Variants in WWOX observed in about 807,000 individuals in gnomAD.
WWOX encodes WW domain-containing oxidoreductase.
WWOX carries 69 observed loss-of-function variants against 46.2 expected under a neutral mutation model. The observed-to-expected ratio is 1.49, with a 90% CI of 1.23 to 1.82. The LOEUF (loss-of-function observed/expected upper bound fraction) is 1.82. Ranked by LOEUF, WWOX falls within the 40% of genes most tolerant of loss-of-function variation. The probability of loss-of-function intolerance (pLI) is 0.00; values close to 1 mark genes in which losing one functional copy is unlikely to be tolerated. For synonymous variants in WWOX, 359 were observed against 202.6 expected (o/e 1.77, Z -6.56); for missense variants, 919 against 542.6 (o/e 1.69, Z -6.89).
intron 8 of WWOX, among the ~76,000 whole-genome samples, chr16:78,585,583 G>GGAGCC: frequency 2.0e-5 from 3 of 151,890 alleles, no homozygotes; most frequent in Non-Finnish European, 4.4e-5. Context: ...GCTCCACCAG[G>GGAGCC]ACCTCTTGAC....
chr16:78,236,322 T>G (rs926686240), intron 5 of WWOX, among the ~76,000 whole-genome samples: 3 of 152,232 alleles, frequency 2.0e-5, no homozygotes, highest in African/African-American at 7.2e-5. Flanking sequence ...TTATACATAC[T>G]TACAAAGGAT....
intron 8 of WWOX, among the ~76,000 whole-genome samples, chr16:78,545,602 T>G (rs527565703): frequency 6.6e-6 from 1 of 152,320 alleles, no homozygotes; most frequent in East Asian, 1.9e-4. Flanking sequence ...CCAGGAATAG[T>G]CATGGTTGGC....
chr16:78,237,653 G>C (rs1047617729), intron 5 of WWOX: 1 of 152,112 alleles, frequency 6.6e-6, no homozygotes, highest in African/African-American at 2.4e-5. Context: ...TGGCCTGCAG[G>C]CTCAGAATAG....
chr16:78,278,774 C>T lies in WWOX; in HGVS notation c.517-108086C>T, dbSNP rs1332432625. On this transcript the variant is annotated intron_variant, in intron 5 of 8. Transcript: ENST00000566780. Reference sequence around the variant, plus strand: ...ATCTCGGTGATCTGACAGACATGTACGATTTGCAACAACATCTATTATATG... The same window carrying T: ...ATCTCGGTGATCTGACAGACATGTATGATTTGCAACAACATCTATTATATG... 1.2e-5 allele frequency: 11 copies of T among 913,578 alleles called. No individual in the cohort carries two copies. In the South Asian group the frequency reaches 1.3e-4, roughly 10 times the overall value. 56.6% of individuals were successfully genotyped at this position (913,578 alleles called of 1,614,324 possible). A position where few individuals can be genotyped will look rare whatever the true frequency, so the allele number is the denominator to read the frequency against.
intron 8 of WWOX, among the ~76,000 whole-genome samples, chr16:79,014,386 A>G (rs2047372051): frequency 6.6e-6 from 1 of 152,196 alleles, no homozygotes; most frequent in African/African-American, 2.4e-5. Context: ...CCGAATGGAA[A>G]AACACTGTGG....
intron 8 of WWOX, among the ~76,000 whole-genome samples, chr16:78,832,155 G>A (rs1246398772): frequency 2.0e-5 from 3 of 152,160 alleles, no homozygotes; most frequent in Non-Finnish European, 2.9e-5. Flanking sequence ...GCTGTTGGCT[G>A]GGGCTGCAGT....
At chr16:78,934,063 C>T (rs114438282) in intron 8 of WWOX, among the ~76,000 whole-genome samples, 2 of 151,782 alleles carry the variant, frequency 1.3e-5, no homozygotes, top group African/African-American at 2.4e-5. Flanking sequence ...GGGCCGGGCA[C>T]GGTGGCTCAT....
intron 6 of WWOX, among the ~76,000 whole-genome samples, chr16:78,398,190 G>C (rs538389644): frequency 6.6e-6 from 1 of 152,220 alleles, no homozygotes; most frequent in East Asian, 1.9e-4. Flanking sequence ...TGTCCTGTTT[G>C]GCAATGTCCT....
chr16:79,035,657 G>A (rs535502932), intron 8 of WWOX, among the ~76,000 whole-genome samples: 2 of 152,282 alleles, frequency 1.3e-5, no homozygotes, highest in African/African-American at 4.8e-5. Context: ...TCCTGCCTCA[G>A]CCTCCCAAGT....
At chr16:78,773,169 G>T (rs779071143) in intron 8 of WWOX, among the ~76,000 whole-genome samples, 1 of 152,350 alleles carries the variant, frequency 6.6e-6, no homozygotes, top group South Asian at 2.1e-4. Flanking sequence ...GGTATCCTAA[G>T]CCGCTAGAAC....
At chr16:78,611,385 T>A (rs2045896679) in intron 8 of WWOX, among the ~76,000 whole-genome samples, 1 of 152,178 alleles carries the variant, frequency 6.6e-6, no homozygotes, top group Admixed American at 6.5e-5. Context: ...CCAAGGAGAT[T>A]ACTTGGTTTG....
intron 8 of WWOX, among the ~76,000 whole-genome samples, chr16:79,052,042 T>TA (rs980452044): frequency 3.4e-5 from 5 of 148,444 alleles, no homozygotes; most frequent in African/African-American, 1.2e-4. Flanking sequence ...ATTTTAATTT[T>TA]TTTTTTTTAA....
intron 8 of WWOX, among the ~76,000 whole-genome samples, chr16:78,862,104 A>C (rs1353002723): frequency 6.6e-6 from 1 of 151,938 alleles, no homozygotes; most frequent in Non-Finnish European, 1.5e-5. Context: ...GTCTGTATCT[A>C]TACACACACC....
At chr16:78,105,834 C>T (rs2032104401) in intron 1 of WWOX, among the ~76,000 whole-genome samples, 1 of 152,066 alleles carries the variant, frequency 6.6e-6, no homozygotes, top group Non-Finnish European at 1.5e-5. Flanking sequence ...TTGAGTCTTG[C>T]TTTTTCGCCC....
At chr16:78,103,469 C>G (rs565115053) in intron 1 of WWOX, among the ~76,000 whole-genome samples, 58 of 152,054 alleles carry the variant, frequency 3.8e-4, no homozygotes, top group African/African-American at 1.3e-3. Flanking sequence ...CTCTCTGGAC[C>G]TTGTGTCCGT....
At chr16:78,982,257 TACAG>T (rs2046697491) in intron 8 of WWOX, among the ~76,000 whole-genome samples, 1 of 152,158 alleles carries the variant, frequency 6.6e-6, no homozygotes, top group African/African-American at 2.4e-5. Flanking sequence ...GTTTCCAAAA[TACAG>T]ACAGGCAAGT....
chr16:78,289,652 C>T (rs992766172), intron 5 of WWOX, among the ~76,000 whole-genome samples: 5 of 152,140 alleles, frequency 3.3e-5, no homozygotes, highest in African/African-American at 1.2e-4. Flanking sequence ...AATAAGAGAC[C>T]TAAGTTTATA....
chr16:79,175,785 A>T (rs556300221), intron 8 of WWOX, among the ~76,000 whole-genome samples: 2 of 152,112 alleles, frequency 1.3e-5, no homozygotes, highest in South Asian at 4.2e-4. Context: ...GGGAGCTCCA[A>T]CTCTGTTTGG....
At chr16:78,604,221 T>C (rs1396520654) in intron 8 of WWOX, among the ~76,000 whole-genome samples, 1 of 152,188 alleles carries the variant, frequency 6.6e-6, no homozygotes, top group Admixed American at 6.5e-5. Flanking sequence ...CAAAATACTT[T>C]GTTTACATGT....
Sources: allele counts gnomAD v4.1 joint callset (sites outside exome capture counted in the v4.1 genomes callset), GRCh38; gene constraint gnomAD v4.1.1; transcripts MANE v1.5; gene names NCBI Gene and HGNC (gene_info 2026-07-23, HGNC 2026-07-21).